The following CNTNAP2 variants were observed in gnomAD, a reference collection of about 807,000 sequenced individuals.
CNTNAP2 encodes the protein contactin-associated protein-like 2.
A neutral mutation model predicts 155.2 loss-of-function variants in CNTNAP2; 98 were observed. The ratio of observed to expected loss-of-function variants is 0.63; its 90% CI spans 0.54 to 0.75. The LOEUF (loss-of-function observed/expected upper bound fraction) is 0.75, where lower values mean the gene tolerates loss of function less well. CNTNAP2 is among the 30% of genes least tolerant of loss of function. CNTNAP2 has a pLI of 0.00. For missense variants in CNTNAP2, 1,727 were observed against 1,688.1 expected, an observed-to-expected ratio of 1.02 and a Z score of -0.40; for synonymous variants, 651 against 631.2, an observed-to-expected ratio of 1.03 and a Z score of -0.47.
intron 1 of CNTNAP2, among the ~76,000 whole-genome samples, chr7:146,402,187 T>C (rs1379307985): frequency 6.6e-6 from 1 of 152,180 alleles, no homozygotes; most frequent in East Asian, 1.9e-4. Context: ...CATTTCATGC[T>C]GTTAATATCT....
intron 11 of CNTNAP2, among the ~76,000 whole-genome samples, chr7:147,496,006 T>C (rs1798701302): frequency 6.6e-6 from 1 of 152,156 alleles, no homozygotes; most frequent in African/African-American, 2.4e-5. Context: ...GGGATGTAGG[T>C]TGCATGTTCC....
chr7:146,406,071 C>T (rs188601437), intron 1 of CNTNAP2, among the ~76,000 whole-genome samples: 2 of 152,280 alleles, frequency 1.3e-5, no homozygotes, highest in East Asian at 1.9e-4. Context: ...AATGACAGCA[C>T]TAATTGTCAA....
At chr7:147,137,186 T>A (rs1037276382) in intron 8 of CNTNAP2, among the ~76,000 whole-genome samples, 1 of 151,402 alleles carries the variant, frequency 6.6e-6, no homozygotes, top group East Asian at 2.0e-4. Flanking sequence ...TTTTAAAGAG[T>A]GTATTTTTAT....
At chr7:146,812,194 A>T (rs911453015) in intron 2 of CNTNAP2, among the ~76,000 whole-genome samples, 1 of 152,096 alleles carries the variant, frequency 6.6e-6, no homozygotes, top group Non-Finnish European at 1.5e-5. Context: ...AGAACTTCCT[A>T]GAGGCTTGTT....
At chr7:146,155,623 GTAA>G (rs1798112762) in intron 1 of CNTNAP2, among the ~76,000 whole-genome samples, 1 of 151,210 alleles carries the variant, frequency 6.6e-6, no homozygotes, top group Admixed American at 6.6e-5. Context: ...AATTACATAA[GTAA>G]TAATTATATA....
At chr7:147,039,061 T>C (rs1799212254) in intron 3 of CNTNAP2, among the ~76,000 whole-genome samples, 1 of 152,200 alleles carries the variant, frequency 6.6e-6, no homozygotes, top group Non-Finnish European at 1.5e-5. Flanking sequence ...CCATTTGCCT[T>C]TCTGGCCTTT....
intron 13 of CNTNAP2, among the ~76,000 whole-genome samples, chr7:147,859,948 T>C (rs1343837885): frequency 6.6e-6 from 1 of 152,144 alleles, no homozygotes; most frequent in Non-Finnish European, 1.5e-5. Flanking sequence ...AAACTGGCAA[T>C]AAAAAAGGTG....
intron 13 of CNTNAP2, among the ~76,000 whole-genome samples, chr7:147,699,305 A>G (rs541516064): frequency 2.6e-5 from 4 of 151,960 alleles, no homozygotes; most frequent in East Asian, 3.9e-4. Flanking sequence ...TTGCAGGGAC[A>G]TGGATGAAGC....
intron 3 of CNTNAP2, among the ~76,000 whole-genome samples, chr7:146,933,540 T>C (rs1796832418): frequency 6.6e-6 from 1 of 150,770 alleles, no homozygotes; most frequent in Non-Finnish European, 1.5e-5. Flanking sequence ...AAGGACTTCA[T>C]GTCTAAAACA....
intron 13 of CNTNAP2, among the ~76,000 whole-genome samples, chr7:147,815,507 T>C (rs529049732): frequency 6.6e-6 from 1 of 152,284 alleles, no homozygotes; most frequent in African/African-American, 2.4e-5. Context: ...GCTTGGAATC[T>C]CTTTGACTTT....
intron 9 of CNTNAP2, among the ~76,000 whole-genome samples, chr7:147,366,703 C>G (rs1320453068): frequency 6.6e-6 from 1 of 151,702 alleles, no homozygotes; most frequent in African/African-American, 2.4e-5. Flanking sequence ...TAGTTATGTT[C>G]AGTATCTTTT....
chr7:147,211,972 A>C (rs535186419), intron 8 of CNTNAP2, among the ~76,000 whole-genome samples: 1 of 152,252 alleles, frequency 6.6e-6, no homozygotes, highest in East Asian at 1.9e-4. Flanking sequence ...AAGATACACA[A>C]GCAGCTAACA....
chr7:148,155,366 G>A (rs1563217169), intron 17 of CNTNAP2, among the ~76,000 whole-genome samples: 1 of 152,154 alleles, frequency 6.6e-6, no homozygotes, highest in Non-Finnish European at 1.5e-5. Flanking sequence ...AGTCGAGCTC[G>A]CCTCCACTTC....
At chr7:148,206,248 A>T (rs1431451881) in intron 18 of CNTNAP2, among the ~76,000 whole-genome samples, 2 of 147,744 alleles carry the variant, frequency 1.4e-5, no homozygotes, top group Non-Finnish European at 3.0e-5. Context: ...AACATTAAAA[A>T]TTATTTTAAT....
intron 21 of CNTNAP2, among the ~76,000 whole-genome samples, chr7:148,288,201 G>C (rs148708062): frequency 6.7e-6 from 1 of 150,172 alleles, no homozygotes; most frequent in Non-Finnish European, 1.5e-5. Flanking sequence ...CCAGCTTCAA[G>C]TGATTCTCCT....
chr7:147,647,887 A>G (rs1254091339), intron 13 of CNTNAP2, among the ~76,000 whole-genome samples: 1 of 152,192 alleles, frequency 6.6e-6, no homozygotes, highest in Non-Finnish European at 1.5e-5. Context: ...AATAAGCAAA[A>G]GCAAGAAAAT....
chr7:146,219,267 A>G (rs563704100), intron 1 of CNTNAP2, among the ~76,000 whole-genome samples: 3 of 152,232 alleles, frequency 2.0e-5, no homozygotes, highest in Non-Finnish European at 4.4e-5. Context: ...GAGTGGAGAC[A>G]TAGCCAAACC....
intron 15 of CNTNAP2, among the ~76,000 whole-genome samples, chr7:148,109,385 T>G (rs1324834508): frequency 2.0e-5 from 3 of 148,700 alleles, no homozygotes; most frequent in Non-Finnish European, 4.4e-5. Context: ...TTTGTTTTGT[T>G]TTGTTTTGTT....
chr7:148,237,830 C>T (rs553426388), intron 20 of CNTNAP2, among the ~76,000 whole-genome samples: 1 of 152,164 alleles, frequency 6.6e-6, no homozygotes, highest in Non-Finnish European at 1.5e-5. Context: ...CCTAGTTCAC[C>T]ACTTTCTATA....
Sources: gnomAD v4.1 joint callset for allele counts (sites outside exome capture counted in the v4.1 genomes callset) on GRCh38, gnomAD v4.1.1 for gene constraint, MANE v1.5 for transcripts, NCBI Gene and HGNC (gene_info 2026-07-23, HGNC 2026-07-21) for gene names.